The following RNF220 variants were observed in gnomAD, a reference collection of about 807,000 sequenced individuals.
The protein encoded by RNF220 is ring finger protein 220.
Under a neutral mutation model 67.1 loss-of-function variants are expected in RNF220, and 7 were observed. The observed-to-expected ratio is 0.10, with a 90% confidence interval of 0.06 to 0.20. The LOEUF is 0.20. RNF220 is among the 10% of genes least tolerant of loss of function. RNF220 has a pLI of 1.00. For synonymous variants in RNF220, 270 were observed against 283.2 expected (o/e 0.95, Z 0.47); for missense variants, 565 against 740.3 (o/e 0.76, Z 2.75).
chr1:44,530,357 T>A (rs1302819837), intron 2 of RNF220, among the ~76,000 whole-genome samples: 1 of 152,160 alleles, frequency 6.6e-6, no homozygotes, highest in South Asian at 2.1e-4. Context: ...CACCACCACA[T>A]ATGCAGTCAC....
chr1:44,433,152 A>T (rs1650588545), intron 2 of RNF220, among the ~76,000 whole-genome samples: 1 of 151,954 alleles, frequency 6.6e-6, no homozygotes, highest in African/African-American at 2.4e-5. Context: ...CTGGTCTCGA[A>T]CTCTTGACCT....
chr1:44,538,777 G>A (rs1282041599), intron 2 of RNF220, among the ~76,000 whole-genome samples: 8 of 151,692 alleles, frequency 5.3e-5, no homozygotes, highest in South Asian at 2.1e-4. Context: ...TTAGCTGGGC[G>A]TGGTGGCAGG....
chr1:44,492,959 T>C (rs1656989515), intron 2 of RNF220, among the ~76,000 whole-genome samples: 1 of 152,028 alleles, frequency 6.6e-6, no homozygotes, highest in Admixed American at 6.6e-5. Flanking sequence ...GGTCTCATTA[T>C]GTTGCTCAGG....
chr1:44,476,607 A>G (rs1485824045), intron 2 of RNF220, among the ~76,000 whole-genome samples: 1 of 152,042 alleles, frequency 6.6e-6, no homozygotes, highest in Non-Finnish European at 1.5e-5. Flanking sequence ...AAATATTGCA[A>G]AGACTGTTAT....
rs180675176 is a variant in RNF220 at position 44,531,298 on chromosome 1, A to G, written c.626-82867A>G. 1.1e-4 allele frequency among the ~76,000 whole-genome samples: 17 copies of G among 152,200 alleles called. No individual in the cohort carries two copies. The East Asian group carries it at 2.9e-3, about 26-fold the overall frequency. On this transcript the variant is annotated intron_variant, in intron 2 of 14. Coordinates refer to ENST00000361799, the MANE Select transcript of RNF220 (RefSeq NM_018150.4). The stretch of plus-strand genomic sequence containing the variant: ...TCTCATGCAGCTCATCTTCCCCTAA[A>G]CTTTGTCTGCTTTTCCATGATTCCA...
intron 2 of RNF220, among the ~76,000 whole-genome samples, chr1:44,599,438 C>T (rs141803528): frequency 7.2e-5 from 11 of 152,140 alleles, no homozygotes; most frequent in Non-Finnish European, 1.0e-4. Context: ...TTTGGGAGGC[C>T]GAGGTGGACG....
intron 2 of RNF220, among the ~76,000 whole-genome samples, chr1:44,601,418 A>G (rs1666909285): frequency 6.6e-6 from 1 of 152,194 alleles, no homozygotes; most frequent in South Asian, 2.1e-4. Flanking sequence ...TAATATGGGA[A>G]AGACGTGGGA....
intron 2 of RNF220, among the ~76,000 whole-genome samples, chr1:44,465,798 T>C (rs560572305): frequency 6.6e-6 from 1 of 152,338 alleles, no homozygotes; most frequent in East Asian, 1.9e-4. Flanking sequence ...TAAAAAACAA[T>C]GTACACACCT....
At chr1:44,505,192 G>C (rs1658302810) in intron 2 of RNF220, among the ~76,000 whole-genome samples, 1 of 152,220 alleles carries the variant, frequency 6.6e-6, no homozygotes, top group Admixed American at 6.5e-5. Context: ...AGATCTGCCT[G>C]ACTTCAGAGC....
chr1:44,603,807 A>G (rs1212734144), intron 2 of RNF220, among the ~76,000 whole-genome samples: 1 of 152,028 alleles, frequency 6.6e-6, no homozygotes, highest in Non-Finnish European at 1.5e-5. Context: ...CTGGCCTGGG[A>G]TGTGCTAGCA....
At chr1:44,438,878 C>G (rs1426154331) in intron 2 of RNF220, among the ~76,000 whole-genome samples, 1 of 152,080 alleles carries the variant, frequency 6.6e-6, no homozygotes, top group Non-Finnish European at 1.5e-5. Context: ...TGATTTGTTA[C>G]TTTCTTTTTC....
intron 2 of RNF220, among the ~76,000 whole-genome samples, chr1:44,436,635 A>G (rs1225686677): frequency 6.6e-6 from 1 of 152,162 alleles, no homozygotes; most frequent in Non-Finnish European, 1.5e-5. Flanking sequence ...TTCACATCAA[A>G]AAGGCTTTAA....
intron 2 of RNF220, among the ~76,000 whole-genome samples, chr1:44,608,522 C>A (rs1175185950): frequency 6.6e-6 from 1 of 152,142 alleles, no homozygotes; most frequent in Admixed American, 6.5e-5. Flanking sequence ...TTGTTCTGAG[C>A]CCCATTTTCC....
At chr1:44,580,446 T>G (rs1406374135) in intron 2 of RNF220, among the ~76,000 whole-genome samples, 1 of 152,230 alleles carries the variant, frequency 6.6e-6, no homozygotes, top group African/African-American at 2.4e-5. Flanking sequence ...GTTTTTAGAT[T>G]TCCAAAAGGC....
At chr1:44,442,278 G>A (rs1385210090) in intron 2 of RNF220, among the ~76,000 whole-genome samples, 1 of 151,932 alleles carries the variant, frequency 6.6e-6, no homozygotes, top group Non-Finnish European at 1.5e-5. Flanking sequence ...GAGTAGCTGG[G>A]ACTTCAGGTG....
chr1:44,645,308 G>T lies in RNF220; in HGVS notation c.1366+32G>T. On this transcript the variant is annotated intron_variant, in intron 11 of 14. Transcript: ENST00000361799. This position sits in a 1 kb window ranked among gnomAD's most constrained non-coding sequence, Gnocchi z 5.0. ...CCTGCCCCAGGTTAGGAGTAATGGG[G>T]GAGAGGGGGTATCCCTAGATGGTGG... 1 of 1,613,854 alleles carries T rather than the reference G, an allele frequency of 6.2e-7. No homozygotes were observed.
chr1:44,569,351 T>C (rs2148313473), intron 2 of RNF220, among the ~76,000 whole-genome samples: 1 of 152,110 alleles, frequency 6.6e-6, no homozygotes, highest in East Asian at 1.9e-4. Context: ...CAGCAGAAAA[T>C]CGCCTGGGAA....
chr1:44,572,927 TC>T, intron 2 of RNF220: 1 of 357,064 alleles, frequency 2.8e-6, no homozygotes, highest in Non-Finnish European at 5.8e-6. Flanking sequence ...GGAAAGATCC[TC>T]CAGGTGGAAA....
intron 2 of RNF220, among the ~76,000 whole-genome samples, chr1:44,475,165 T>A (rs9943206): frequency 0.1 from 15,646 of 152,170 alleles, 2,380 homozygotes; most frequent in African/African-American, 0.33. Flanking sequence ...ACAATGTGTT[T>A]TGGGTGTGAT....
Sources: allele counts gnomAD v4.1 joint callset (sites outside exome capture counted in the v4.1 genomes callset), GRCh38; gene constraint gnomAD v4.1.1; non-coding constraint Gnocchi (gnomAD v3.1); transcripts MANE v1.5; gene names NCBI Gene and HGNC (gene_info 2026-07-23, HGNC 2026-07-21).